Variants in PPM1H observed in about 807,000 individuals in gnomAD.
PPM1H encodes the protein protein phosphatase, Mg2+/Mn2+ dependent 1H, also known as protein phosphatase 1H.
In PPM1H, 27 loss-of-function variants were observed where a neutral mutation model predicts 54.9. The observed-to-expected ratio is 0.49, with a 90% CI of 0.36 to 0.68. The LOEUF (loss-of-function observed/expected upper bound fraction) is 0.68, where lower values mean the gene tolerates loss of function less well. PPM1H is among the 30% of genes least tolerant of loss of function. The pLI, the probability that PPM1H is intolerant of heterozygous loss-of-function variation, is 0.00. For missense variants in PPM1H, 596 were observed against 667.8 expected, an observed-to-expected ratio of 0.89 and a Z score of 1.19; for synonymous variants, 305 against 270.8, an observed-to-expected ratio of 1.13 and a Z score of -1.24.
chr12:62,653,751 T>G (rs1290541944), intron 9 of PPM1H, among the ~76,000 whole-genome samples: 2 of 152,186 alleles, frequency 1.3e-5, no homozygotes, highest in Admixed American at 6.5e-5. Flanking sequence ...AACATGTTCA[T>G]TTCAGCTTTT....
At chr12:62,747,019 G>T (rs545325240) in intron 4 of PPM1H, among the ~76,000 whole-genome samples, 1 of 152,118 alleles carries the variant, frequency 6.6e-6, no homozygotes, top group Admixed American at 6.5e-5. Context: ...TGGCACGATC[G>T]TGGCTCACTG....
chr12:62,783,895 G>T (rs1404693206), intron 4 of PPM1H, among the ~76,000 whole-genome samples: 1 of 152,182 alleles, frequency 6.6e-6, no homozygotes, highest in South Asian at 2.1e-4. Context: ...CTCTAGAGAT[G>T]AAATGAAATG....
chr12:62,793,681 G>T (rs540737739), intron 3 of PPM1H, among the ~76,000 whole-genome samples: 9 of 141,090 alleles, frequency 6.4e-5, no homozygotes, highest in African/African-American at 2.4e-4. Context: ...CCCAGATCGC[G>T]CCAAGCCAAG....
intron 5 of PPM1H, among the ~76,000 whole-genome samples, chr12:62,724,252 C>T (rs2076277873): frequency 6.6e-6 from 1 of 152,160 alleles, no homozygotes; most frequent in Non-Finnish European, 1.5e-5. Context: ...AATTTGTTTG[C>T]TTTTCTCTTG....
intron 1 of PPM1H, among the ~76,000 whole-genome samples, chr12:62,920,572 T>C (rs887453244): frequency 6.5e-4 from 98 of 149,894 alleles, no homozygotes; most frequent in Non-Finnish European, 1.2e-3. Context: ...TCCACCTGCA[T>C]TGGCCTCCCA....
chr12:62,802,306 CAA>C (rs2076775847), intron 2 of PPM1H, 146 bp from the exon 3 acceptor site: 1 of 581,424 alleles, frequency 1.7e-6, no homozygotes, highest in East Asian at 3.3e-5. Flanking sequence ...GCAAACAAAA[CAA>C]AATAAAACAA....
intron 3 of PPM1H, among the ~76,000 whole-genome samples, chr12:62,797,074 T>C (rs1592603736): frequency 1.3e-5 from 2 of 152,268 alleles, no homozygotes; most frequent in African/African-American, 2.4e-5. Context: ...TATCATAATA[T>C]CACAGCATTC....
At chr12:62,863,548 T>TC (rs1490750461) in intron 1 of PPM1H, among the ~76,000 whole-genome samples, 1 of 152,180 alleles carries the variant, frequency 6.6e-6, no homozygotes, top group Non-Finnish European at 1.5e-5. Flanking sequence ...CAATTAGTGT[T>TC]CCCCAAAAGA....
intron 4 of PPM1H, among the ~76,000 whole-genome samples, chr12:62,776,341 A>G (rs999259550): frequency 6.6e-6 from 1 of 152,120 alleles, no homozygotes; most frequent in Non-Finnish European, 1.5e-5. Context: ...ACCCCTGACT[A>G]CTAAGTCCCT....
At chr12:62,817,122 A>T (rs1358653817) in intron 2 of PPM1H, among the ~76,000 whole-genome samples, 2 of 122,930 alleles carry the variant, frequency 1.6e-5, no homozygotes, top group Non-Finnish European at 3.3e-5. Flanking sequence ...TTACTAAAAA[A>T]AAAAAAAAAA....
intron 4 of PPM1H, among the ~76,000 whole-genome samples, chr12:62,770,350 C>T (rs57458527): frequency 0.19 from 28,293 of 151,940 alleles, 3,133 homozygotes; most frequent in African/African-American, 0.31. Flanking sequence ...AGAGGTTAGG[C>T]ATTTTGTTCA....
intron 2 of PPM1H, among the ~76,000 whole-genome samples, chr12:62,821,577 G>A (rs900083267): frequency 2.0e-5 from 3 of 152,164 alleles, no homozygotes; most frequent in African/African-American, 4.8e-5. Flanking sequence ...TGGATTTCTC[G>A]GCAGAAACTC....
intron 1 of PPM1H, among the ~76,000 whole-genome samples, chr12:62,922,401 G>T (rs200079865): frequency 6.6e-6 from 1 of 151,398 alleles, no homozygotes; most frequent in East Asian, 1.9e-4. Flanking sequence ...TGGTCACCAG[G>T]GTCATGGGAC....
At chr12:62,909,593 C>G (rs1214895685) in intron 1 of PPM1H, among the ~76,000 whole-genome samples, 3 of 152,220 alleles carry the variant, frequency 2.0e-5, no homozygotes. Context: ...TCTGATTTCA[C>G]TCAGGTCAAC....
At chr12:62,748,242 C>CAA (rs528735701) in intron 4 of PPM1H, among the ~76,000 whole-genome samples, 5 of 120,474 alleles carry the variant, frequency 4.2e-5, no homozygotes, top group South Asian at 2.7e-4. Flanking sequence ...GACTCCGTCT[C>CAA]AAAAAAAAAA....
rs542856725 is a variant in PPM1H, at chr12:62,652,392, AT to A, written c.1398-3757del. The stretch of plus-strand genomic sequence containing the variant: ...ATGCCCAGCTAATAAACTTTGCATT[AT>A]TTTAAGTGTATTTTATTAGTAGCAC... On this transcript the variant is annotated intron_variant, in intron 9 of 9. Coordinates refer to ENST00000228705, the MANE Select transcript of PPM1H (RefSeq NM_020700.2). 3.2e-3 allele frequency among the ~76,000 whole-genome samples: 407 copies of A among 126,818 alleles called. 1 individual carries two copies. The highest frequency in any genetic ancestry group is 8.7e-3 in the Middle Eastern group (2 of 230). The allele number at this position is 126,818 out of a possible 152,430, so 83.2% of individuals were successfully genotyped here. A position where few individuals can be genotyped will look rare whatever the true frequency, so the allele number is the denominator to read the frequency against.
At chr12:62,659,290 A>G (rs865934762) in intron 9 of PPM1H, 28 of 482,012 alleles carry the variant, frequency 5.8e-5, no homozygotes, top group African/African-American at 4.4e-4. Flanking sequence ...AAAAAAAAAA[A>G]AGAGAAAAAC....
intron 4 of PPM1H, among the ~76,000 whole-genome samples, chr12:62,738,334 A>C (rs995731015): frequency 6.6e-6 from 1 of 151,802 alleles, no homozygotes; most frequent in Non-Finnish European, 1.5e-5. Flanking sequence ...ACACTGTTGA[A>C]TTTCTAGGGT....
At chr12:62,656,173 G>A (rs2075843034) in intron 9 of PPM1H, among the ~76,000 whole-genome samples, 2 of 152,162 alleles carry the variant, frequency 1.3e-5, no homozygotes, top group South Asian at 4.1e-4. Flanking sequence ...CCTTCCTAAT[G>A]GACCAGAAAA....
Sources: gnomAD v4.1 joint callset for allele counts (sites outside exome capture counted in the v4.1 genomes callset) on GRCh38, gnomAD v4.1.1 for gene constraint, MANE v1.5 for transcripts, NCBI Gene and HGNC (gene_info 2026-07-23, HGNC 2026-07-21) for gene names.